KIF5C: variants seen among roughly 807,000 people sequenced by gnomAD.
The protein encoded by KIF5C is kinesin family member 5C.
A neutral mutation model predicts 125.2 loss-of-function variants in KIF5C; 18 were observed. The observed-to-expected ratio is 0.14, with a 90% CI of 0.10 to 0.21. The LOEUF (loss-of-function observed/expected upper bound fraction) is 0.21, where lower values mean the gene tolerates loss of function less well. Among genes scored for constraint, KIF5C ranks in the 10% least tolerant of loss-of-function variants. KIF5C has a pLI of 1.00. For synonymous variants in KIF5C, 405 were observed against 434.0 expected, an observed-to-expected ratio of 0.93 and a Z score of 0.83; for missense variants, 780 against 1,183.8, an observed-to-expected ratio of 0.66 and a Z score of 5.01.
At chr2:148,942,825 G>T (rs1008540929) in intron 7 of KIF5C, 65 bp downstream of exon 7, 1 of 1,562,012 alleles carries the variant, frequency 6.4e-7, no homozygotes, top group Non-Finnish European at 8.7e-7. Flanking sequence ...CACCAACCGA[G>T]GGGGGTGGGG....
chr2:148,906,380 T>C (rs1681109040), intron 1 of KIF5C, among the ~76,000 whole-genome samples: 1 of 152,094 alleles, frequency 6.6e-6, no homozygotes, highest in Non-Finnish European at 1.5e-5. Flanking sequence ...AGTTGGCATC[T>C]AAGTAACTGA....
chr2:148,906,839 C>A (rs1163002531), intron 1 of KIF5C, among the ~76,000 whole-genome samples: 1 of 152,052 alleles, frequency 6.6e-6, no homozygotes, highest in African/African-American at 2.4e-5. Context: ...GCACTCCAGC[C>A]TGGGCGACAG....
At chr2:149,005,250 A>G in intron 21 of KIF5C, 143 bp from the exon 22 acceptor site, 2 of 1,311,726 alleles carry the variant, frequency 1.5e-6, no homozygotes, top group Non-Finnish European at 2.1e-6. Context: ...GGGCATGGTC[A>G]GGGTGGGGGT....
intron 24 of KIF5C, 52 bp from the exon 25 acceptor site, chr2:149,011,518 T>C: frequency 6.2e-7 from 1 of 1,607,632 alleles, no homozygotes; most frequent in Non-Finnish European, 8.5e-7. Flanking sequence ...AGGGTTGCTG[T>C]TAAGACTTTT....
At chr2:148,956,813 G>A (rs1682802962) in intron 10 of KIF5C, among the ~76,000 whole-genome samples, 1 of 152,248 alleles carries the variant, frequency 6.6e-6, no homozygotes, top group African/African-American at 2.4e-5. Context: ...TACATTGAGG[G>A]CTCTGATTGA....
intron 15 of KIF5C, among the ~76,000 whole-genome samples, chr2:148,984,761 C>T (rs956936553): frequency 3.9e-5 from 6 of 152,058 alleles, no homozygotes; most frequent in African/African-American, 1.4e-4. Flanking sequence ...TGGGGTTGTA[C>T]ATATTGGTGC....
chr2:148,983,720 A>G lies in KIF5C; in HGVS notation c.1670A>G (p.Asp557Gly). ...ATEILNLLLK[D>G]LGEIGGIIGT... is the part of the protein sequence containing the mutation. ...GAGATCCTGAATTTGCTGTTGAAAG[A>G]TCTGGGGGAGATAGGTGGAATTATT... is the stretch of plus-strand genomic sequence containing the variant. Residue 557 changes from aspartate to glycine, a missense_variant, in exon 15 of 26, where the codon GAT becomes GGT. Around this residue, in one of 2 missense-constraint regions of KIF5C, gnomAD observed 573 missense variants for 742.6 expected, o/e 0.77. Transcript: ENST00000435030. 6.2e-7 allele frequency: 1 copy of G among 1,611,994 alleles called. No homozygotes were observed. The highest frequency in any genetic ancestry group is 1.1e-5 in the South Asian group (1 of 90,680).
intron 1 of KIF5C, among the ~76,000 whole-genome samples, chr2:148,912,102 T>G (rs1343561429): frequency 6.6e-6 from 1 of 152,236 alleles, no homozygotes; most frequent in East Asian, 1.9e-4. Flanking sequence ...GAGGGCTATT[T>G]TTGATAAATT....
rs55762538 is a variant in KIF5C, at chr2:148,897,918, CAAAAAAAAAAAAAAAA to C, written c.126+22200_126+22215del. 1.0e-3 allele frequency among the ~76,000 whole-genome samples: 21 copies of C among 20,452 alleles called. No individual in the cohort carries two copies. The South Asian group carries it at 0.011, about 11-fold the overall frequency. The allele number at this position is 20,452 out of a possible 152,430, so 13.4% of individuals were successfully genotyped here. A position where few individuals can be genotyped will look rare whatever the true frequency, so the allele number is the denominator to read the frequency against. ...TGGCTGACAGAGTAAGACTCAGTCT[CAAAAAAAAAAAAAAAA>C]AAAAAAAAAAAAAAAAAAAAAAAAT... is the stretch of plus-strand genomic sequence containing the variant. On this transcript the variant is annotated intron_variant, in intron 1 of 25. Coordinates refer to ENST00000435030, the MANE Select transcript of KIF5C (RefSeq NM_004522.3).
intron 1 of KIF5C, among the ~76,000 whole-genome samples, chr2:148,905,519 A>C (rs889456517): frequency 4.6e-5 from 7 of 152,116 alleles, no homozygotes; most frequent in Admixed American, 4.6e-4. Flanking sequence ...GCATAATGAG[A>C]AGTGAGAGGA....
At chr2:148,947,654 G>A (rs1453899844) in intron 8 of KIF5C, among the ~76,000 whole-genome samples, 2 of 152,220 alleles carry the variant, frequency 1.3e-5, no homozygotes, top group African/African-American at 2.4e-5. Context: ...GCCCTCCCAG[G>A]CCCTGGCTGG....
chr2:148,987,268 T>C (rs1681403851), intron 15 of KIF5C, among the ~76,000 whole-genome samples: 1 of 152,224 alleles, frequency 6.6e-6, no homozygotes, highest in Non-Finnish European at 1.5e-5. Flanking sequence ...GGTCCCATGT[T>C]CACTTTTATT....
chr2:148,934,506 A>G (rs974180800), intron 3 of KIF5C, among the ~76,000 whole-genome samples: 2 of 151,020 alleles, frequency 1.3e-5, no homozygotes, highest in East Asian at 3.9e-4. Flanking sequence ...ATATACATGC[A>G]CACATACAGG....
At chr2:149,005,253 G>T in intron 21 of KIF5C, 140 bp from the exon 22 acceptor site, 1 of 1,368,318 alleles carries the variant, frequency 7.3e-7, no homozygotes, top group Non-Finnish European at 9.9e-7. Context: ...CATGGTCAGG[G>T]TGGGGGTGTC....
rs76888335 is a variant in KIF5C at position 148,962,942 on chromosome 2, T to C, written c.1117+823T>C. 4.3e-3 allele frequency among the ~76,000 whole-genome samples: 648 copies of C among 152,304 alleles called. 5 individuals are homozygous for C. The highest frequency in any genetic ancestry group is 0.015 in the African/African-American group (612 of 41,576). ...TAGGGCTCTCAAAGGAGCCCTGTGC[T>C]AAAATGGAGTCTTAAAGGCTTGGTT... On this transcript the variant is annotated intron_variant, in intron 11 of 25. Transcript: ENST00000435030.
intron 8 of KIF5C, among the ~76,000 whole-genome samples, chr2:148,949,263 AT>A (rs1224719836): frequency 8.5e-5 from 13 of 152,242 alleles, no homozygotes; most frequent in Admixed American, 7.8e-4. Flanking sequence ...TGCAGTATAC[AT>A]TTGACTTTTC....
In KIF5C at chr2:148,876,266, A is replaced by G. The variant is rs2105029420; in HGVS notation, c.126+523A>G. On this transcript the variant is annotated intron_variant, in intron 1 of 25. Transcript: ENST00000435030. The surrounding 1 kb of genome is among the most constrained non-coding windows in gnomAD (Gnocchi z 4.7). ...CGTCTCGGAGCTCCCGCGGCAGTGT[A>G]GACGCGGCTCCCCGCGGTGTTACAC... Among the ~76,000 whole-genome samples, 1 of 152,342 alleles carries G rather than the reference A, an allele frequency of 6.6e-6. No homozygotes were observed. The highest frequency in any genetic ancestry group is 1.5e-5 in the Non-Finnish European group (1 of 68,016).
chr2:148,907,399 G>A (rs1245481101), intron 1 of KIF5C, among the ~76,000 whole-genome samples: 3 of 152,210 alleles, frequency 2.0e-5, no homozygotes, highest in Non-Finnish European at 4.4e-5. Context: ...ACCCAGGTGT[G>A]GATTTATGGC....
At chr2:148,941,467 G>T (rs1348621082) in intron 4 of KIF5C, 143 bp from the exon 5 acceptor site, 1 of 1,140,664 alleles carries the variant, frequency 8.8e-7, no homozygotes, top group African/African-American at 1.6e-5. Flanking sequence ...CAGTAGAGCT[G>T]GCCAGATTTT....
Sources: gnomAD v4.1 joint callset for allele counts (sites outside exome capture counted in the v4.1 genomes callset) on GRCh38, gnomAD v4.1.1 for gene constraint, gnomAD v4.1.1 regional missense constraint, Gnocchi (gnomAD v3.1) non-coding constraint, MANE v1.5 for transcripts, NCBI Gene and HGNC (gene_info 2026-07-23, HGNC 2026-07-21) for gene names.